The following SLC25A37 variants were observed in gnomAD, a reference collection of about 807,000 sequenced individuals.
SLC25A37 encodes the protein mitoferrin-1.
A neutral mutation model predicts 31.0 loss-of-function variants in SLC25A37; 17 were observed. The observed-to-expected ratio is 0.55, with a 90% confidence interval of 0.38 to 0.82. The LOEUF (loss-of-function observed/expected upper bound fraction) is 0.82. SLC25A37 is among the 40% of genes least tolerant of loss of function. The pLI, the probability that SLC25A37 is intolerant of heterozygous loss-of-function variation, is 0.00. For synonymous variants in SLC25A37, 222 were observed against 193.0 expected (o/e 1.15, Z -1.24); for missense variants, 404 against 465.8 (o/e 0.87, Z 1.22).
Position 23,529,949 on chromosome 8 carries a change from GCACT to G in SLC25A37, c.210+740_210+743del, listed in dbSNP as rs1801631462. ...GCCCTTGCTGTGGATTGTGTGAGAG[GCACT>G]CAGTTTCCTTTAAACCCTGTCTGTC... On this transcript the variant is annotated intron_variant, in intron 1 of 3. Coordinates refer to ENST00000519973, the MANE Select transcript of SLC25A37 (RefSeq NM_016612.4). This position sits in a 1 kb window ranked among gnomAD's most constrained non-coding sequence, Gnocchi z 4.1. 6.6e-6 allele frequency among the ~76,000 whole-genome samples: 1 copy of G among 152,080 alleles called. No homozygotes were observed. The highest frequency in any genetic ancestry group is 2.1e-4 in the South Asian group (1 of 4,832).
rs1037630200 is a variant in SLC25A37 at position 23,575,310 on chromosome 8, C to T, written c.*3455C>T. 6.6e-6 allele frequency: 1 copy of T among 152,168 alleles called. No homozygotes were observed. The highest frequency in any genetic ancestry group is 6.5e-5 in the Admixed American group (1 of 15,274). 9.4% of individuals were successfully genotyped at this position (152,168 alleles called of 1,614,324 possible). A position where few individuals can be genotyped will look rare whatever the true frequency, so the allele number is the denominator to read the frequency against. On this transcript the variant is annotated 3_prime_UTR_variant, in exon 4 of 4. Coordinates refer to ENST00000519973, the MANE Select transcript of SLC25A37 (RefSeq NM_016612.4). Reference sequence around the variant, plus strand: ...AGCAAGTGTTATTTCTTAAATTTCTCAAATGCCTGTAGTAACTATTGTTTC... The same window carrying T: ...AGCAAGTGTTATTTCTTAAATTTCTTAAATGCCTGTAGTAACTATTGTTTC...
intron 1 of SLC25A37, among the ~76,000 whole-genome samples, chr8:23,543,938 G>A (rs942922122): frequency 2.6e-5 from 4 of 151,924 alleles, no homozygotes; most frequent in South Asian, 2.1e-4. Flanking sequence ...TCGGCTCACC[G>A]CAACCTCTGC....
intron 1 of SLC25A37, among the ~76,000 whole-genome samples, chr8:23,564,947 A>G (rs1045071601): frequency 6.6e-6 from 1 of 152,046 alleles, no homozygotes; most frequent in Non-Finnish European, 1.5e-5. Flanking sequence ...CTACGTACCT[A>G]CCTACTTAGA....
At chr8:23,534,737 A>AT (rs1801730009) in intron 1 of SLC25A37, among the ~76,000 whole-genome samples, 1 of 152,206 alleles carries the variant, frequency 6.6e-6, no homozygotes, top group Non-Finnish European at 1.5e-5. Context: ...AAAGAAGAAG[A>AT]GATGGTACCG....
rs1490573461 is a variant in SLC25A37 at position 23,571,692 on chromosome 8, C to G, written c.854C>G (p.Ala285Gly). 1 of 1,613,842 alleles carries G rather than the reference C, an allele frequency of 6.2e-7. No homozygotes were observed. The highest frequency in any genetic ancestry group is 8.5e-7 in the Non-Finnish European group (1 of 1,179,886). The change falls in exon 4 of 4, where the codon GCC (alanine) becomes GGC (glycine). Residue 285 changes from alanine to glycine, a missense_variant. Ala to Gly is a moderately conservative substitution (Grantham distance 60). Around this residue, in one of 3 missense-constraint regions of SLC25A37, gnomAD observed 243 missense variants for 284.4 expected, o/e 0.85. Coordinates refer to ENST00000519973, the MANE Select transcript of SLC25A37 (RefSeq NM_016612.4). ...GGCCGGCTGTCGGGTATGGCCAATG[C>G]CTTCCGGACGGTGTACCAGCTCAAC... Reference protein sequence around the residue: ...ISGRLSGMANAFRTVYQLNGL... With the variant: ...ISGRLSGMANGFRTVYQLNGL...
chr8:23,574,014 C>A lies in SLC25A37; in HGVS notation c.*2159C>A. ...CTAAATTTCAAAGTAGAATTTAAAG[C>A]AAATTTGTAAAAAAATTATCCTACC... On this transcript the variant is annotated 3_prime_UTR_variant, in exon 4 of 4. Coordinates refer to ENST00000519973, the MANE Select transcript of SLC25A37 (RefSeq NM_016612.4). 2 of 358,302 alleles carry A rather than the reference C, an allele frequency of 5.6e-6. No individual in the cohort carries two copies. Among genetic ancestry groups the A allele is most frequent in the Middle Eastern group, 3.8e-4 (1 of 2,612 alleles). 22.2% of individuals were successfully genotyped at this position (358,302 alleles called of 1,614,324 possible).
At chr8:23,568,182 T>C in intron 2 of SLC25A37, 140 bp from the exon 3 acceptor site, 1 of 832,432 alleles carries the variant, frequency 1.2e-6, no homozygotes, top group African/African-American at 1.7e-5. Flanking sequence ...GTTTTAAGAG[T>C]CAGTGCTCAC....
intron 2 of SLC25A37, chr8:23,566,847 GCAA>G: frequency 1.0e-6 from 1 of 985,656 alleles, no homozygotes; most frequent in Non-Finnish European, 1.2e-6. Flanking sequence ...AAGGACTCGC[GCAA>G]CGCAGAAGGC....
chr8:23,573,801 G>A lies in SLC25A37; in HGVS notation c.*1946G>A, dbSNP rs955254563. 2.2e-5 allele frequency: 10 copies of A among 456,604 alleles called. No homozygotes were observed. The highest frequency in any genetic ancestry group is 1.2e-4 in the Admixed American group (5 of 42,570). 28.3% of individuals were successfully genotyped at this position (456,604 alleles called of 1,614,324 possible). A position where few individuals can be genotyped will look rare whatever the true frequency, so the allele number is the denominator to read the frequency against. On this transcript the variant is annotated 3_prime_UTR_variant, in exon 4 of 4. Transcript: ENST00000519973. ...GGCTGCTGCCCTGTCCCATCTGGCA[G>A]TTAACGCCTTCTCCCTGCTCTGCCC...
At chr8:23,539,202 G>A (rs1049236316) in intron 1 of SLC25A37, among the ~76,000 whole-genome samples, 9 of 152,224 alleles carry the variant, frequency 5.9e-5, no homozygotes, top group African/African-American at 2.2e-4. Flanking sequence ...CTTGCTTGAA[G>A]CAAGGGTTGC....
chr8:23,560,470 C>T (rs534876197), intron 1 of SLC25A37, among the ~76,000 whole-genome samples: 3 of 152,182 alleles, frequency 2.0e-5, no homozygotes, highest in Non-Finnish European at 4.4e-5. Flanking sequence ...TGTTATCATA[C>T]ACTTTCCTTG....
intron 1 of SLC25A37, chr8:23,531,846 T>C (rs1290154650): frequency 6.6e-6 from 1 of 152,250 alleles, no homozygotes; most frequent in East Asian, 1.9e-4. Context: ...AGTGTCACTT[T>C]AATAACTAGT....
At chr8:23,561,296 T>C (rs1802509230) in intron 1 of SLC25A37, among the ~76,000 whole-genome samples, 1 of 152,144 alleles carries the variant, frequency 6.6e-6, no homozygotes, top group Non-Finnish European at 1.5e-5. Context: ...CTCCAACTGC[T>C]CTACCCCTAA....
Position 23,571,746 on chromosome 8 carries a change from A to G in SLC25A37, c.908A>G (p.Gln303Arg). The change falls in exon 4 of 4, where the codon CAG (glutamine) becomes CGG (arginine). Residue 303 changes from glutamine to arginine, a missense_variant. By Grantham distance (43) the Gln-to-Arg change is conservative. This residue lies in a region of SLC25A37 where 243 missense variants were observed against 284.4 expected (regional missense o/e 0.85). Transcript: ENST00000519973. ...CTGGCCGGCTACTTCAAAGGCATCC[A>G]GGCGCGTGTCATCTACCAGATGCCC... The part of the protein sequence containing the change: ...NGLAGYFKGI[Q>R]ARVIYQMPST... 6.2e-7 allele frequency: 1 copy of G among 1,614,020 alleles called. No individual in the cohort carries two copies. The highest frequency in any genetic ancestry group is 8.5e-7 in the Non-Finnish European group (1 of 1,179,892).
At chr8:23,542,598 C>T (rs1288034692) in intron 1 of SLC25A37, among the ~76,000 whole-genome samples, 2 of 151,666 alleles carry the variant, frequency 1.3e-5, no homozygotes, top group Non-Finnish European at 2.9e-5. Flanking sequence ...AGGCTGGTCA[C>T]CAACTCCTGA....
In SLC25A37 at chr8:23,571,508, G is replaced by A. The variant is rs777478555; in HGVS notation, c.670G>A (p.Glu224Lys). Residue 224 changes from glutamate (E) to lysine (K), a missense_variant, in exon 4 of 4, where the codon GAG (glutamate) becomes AAG (lysine). Physicochemically the swap from Glu to Lys is moderately conservative, Grantham distance 56. Around this residue, in one of 3 missense-constraint regions of SLC25A37, gnomAD observed 243 missense variants for 284.4 expected, o/e 0.85. Transcript: ENST00000519973. The stretch of plus-strand genomic sequence containing the variant: ...CTTCATCACCTATGAGTTCCTGCAG[G>A]AGCAGGTCAACCCCCACCGGACCTA... ...IHFITYEFLQEQVNPHRTYNP... is the reference protein window; with the variant it reads ...IHFITYEFLQKQVNPHRTYNP... 5.0e-6 allele frequency: 8 copies of A among 1,613,932 alleles called. No individual in the cohort carries two copies. Among genetic ancestry groups the A allele is most frequent in the South Asian group, 4.4e-5 (4 of 91,078 alleles).
chr8:23,531,693 G>A (rs1242912607), intron 1 of SLC25A37: 1 of 152,128 alleles, frequency 6.6e-6, no homozygotes, highest in Non-Finnish European at 1.5e-5. Context: ...AGGTAATGTG[G>A]ACTGTGGAGC....
At chr8:23,540,986 C>T (rs1467036168) in intron 1 of SLC25A37, among the ~76,000 whole-genome samples, 2 of 152,196 alleles carry the variant, frequency 1.3e-5, no homozygotes, top group African/African-American at 2.4e-5. Context: ...ATGGAAAATC[C>T]AGGCTCTCAT....
At chr8:23,565,924 T>C (rs1371362928) in intron 1 of SLC25A37, among the ~76,000 whole-genome samples, 184 bp from the exon 2 acceptor site, 1 of 152,246 alleles carries the variant, frequency 6.6e-6, no homozygotes, top group Non-Finnish European at 1.5e-5. Flanking sequence ...CGTGCACACA[T>C]TCATGTAGAT....
Sources: gnomAD v4.1 joint callset for allele counts (sites outside exome capture counted in the v4.1 genomes callset) on GRCh38, gnomAD v4.1.1 for gene constraint, gnomAD v4.1.1 regional missense constraint, Gnocchi (gnomAD v3.1) non-coding constraint, MANE v1.5 for transcripts, NCBI Gene and HGNC (gene_info 2026-07-23, HGNC 2026-07-21) for gene names.